The following TRAM1 variants were observed in gnomAD, a reference collection of about 807,000 sequenced individuals.
TRAM1 encodes translocation associated membrane protein 1, also known as translocating chain-associated membrane protein 1.
Under a neutral mutation model 48.7 loss-of-function variants are expected in TRAM1, and 17 were observed. The observed-to-expected ratio is 0.35, with a 90% CI of 0.24 to 0.52. The LOEUF (loss-of-function observed/expected upper bound fraction) is 0.52. Among genes scored for constraint, TRAM1 ranks in the 20% least tolerant of loss-of-function variants. TRAM1 has a pLI of 0.94. For missense variants in TRAM1, 351 were observed against 441.5 expected (o/e 0.79, Z 1.84); for synonymous variants, 182 against 154.0 (o/e 1.18, Z -1.34).
chr8:70,584,107 G>C (rs1817147938), intron 8 of TRAM1, among the ~76,000 whole-genome samples: 1 of 152,116 alleles, frequency 6.6e-6, no homozygotes, highest in East Asian at 1.9e-4. Flanking sequence ...AAAGAATTTT[G>C]AGTCAAATAT....
In TRAM1 at chr8:70,582,702, T is replaced by C. The variant is rs191041873; in HGVS notation, c.1051+462A>G. 5.3e-5 allele frequency among the ~76,000 whole-genome samples: 8 copies of C among 151,190 alleles called. No individual in the cohort carries two copies. The East Asian group carries it at 7.7e-4, about 15-fold the overall frequency. On this transcript the variant is annotated intron_variant, in intron 10 of 10. Coordinates refer to ENST00000262213, the MANE Select transcript of TRAM1 (RefSeq NM_014294.6). ...GCATTTTCAATTTTTGCAAAAACCATAAGGAAAAAAGAGGTTAAATGAAGG... is the reference window on the plus strand; with the variant it reads ...GCATTTTCAATTTTTGCAAAAACCACAAGGAAAAAAGAGGTTAAATGAAGG...
At chr8:70,602,713 G>A (rs1283972296) in intron 1 of TRAM1, among the ~76,000 whole-genome samples, 1 of 152,218 alleles carries the variant, frequency 6.6e-6, no homozygotes, top group East Asian at 1.9e-4. Context: ...AATGTCTGAG[G>A]TTAGAAACCT....
intron 1 of TRAM1, chr8:70,607,857 T>C: frequency 2.4e-6 from 1 of 421,820 alleles, no homozygotes; most frequent in Admixed American, 4.7e-5. Context: ...CGGGCCGCGA[T>C]GAGGCCCACC....
intron 5 of TRAM1, among the ~76,000 whole-genome samples, chr8:70,595,503 T>C (rs1817467901): frequency 1.3e-5 from 2 of 152,152 alleles, no homozygotes; most frequent in Non-Finnish European, 2.9e-5. Flanking sequence ...ACAATGTATT[T>C]ACTAAATACT....
At chr8:70,587,772 T>A (rs1261728959) in intron 6 of TRAM1, 2 of 152,280 alleles carry the variant, frequency 1.3e-5, no homozygotes, top group Non-Finnish European at 2.9e-5. Flanking sequence ...TGTATTCTCA[T>A]TTATACTATT....
chr8:70,594,310 T>TG (rs1369827205), intron 6 of TRAM1, among the ~76,000 whole-genome samples, 196 bp downstream of exon 6: 1 of 150,832 alleles, frequency 6.6e-6, no homozygotes, highest in African/African-American at 2.4e-5. Flanking sequence ...TGAAGGTTTT[T>TG]TTTTTTTTTT....
chr8:70,604,325 G>C (rs1401109106), intron 1 of TRAM1, among the ~76,000 whole-genome samples: 3 of 152,182 alleles, frequency 2.0e-5, no homozygotes, highest in Non-Finnish European at 4.4e-5. Flanking sequence ...ACTTGTTTTA[G>C]AGGAAGATGT....
Position 70,597,972 on chromosome 8 carries a change from T to C in TRAM1, c.349A>G (p.Ser117Gly). 1 of 1,600,012 alleles carries C rather than the reference T, an allele frequency of 6.2e-7. No individual in the cohort carries two copies. The highest frequency in any genetic ancestry group is 8.5e-7 in the Non-Finnish European group (1 of 1,171,834). ...AGCTGACCAGATTCATTAAACTTGC[T>C]GTGTTTTGTTTTGGAGAAGTGCATT... ...RRMHFSKTKHSKFNESGQLSA... is the reference protein window; with the variant it reads ...RRMHFSKTKHGKFNESGQLSA... Residue 117 changes from serine to glycine, a missense_variant, in exon 4 of 11, where the codon AGC (serine) becomes GGC (glycine). By Grantham distance (56) the Ser-to-Gly change is moderately conservative. Transcript: ENST00000262213.
intron 6 of TRAM1, among the ~76,000 whole-genome samples, chr8:70,589,033 A>G (rs1247738650): frequency 6.6e-6 from 1 of 152,198 alleles, no homozygotes; most frequent in Non-Finnish European, 1.5e-5. Flanking sequence ...CAGTACTGAG[A>G]GCTACTTCAC....
intron 10 of TRAM1, among the ~76,000 whole-genome samples, chr8:70,578,011 C>T (rs1816996584): frequency 6.6e-6 from 1 of 152,232 alleles, no homozygotes; most frequent in African/African-American, 2.4e-5. Flanking sequence ...TGCTTGCCCA[C>T]ACACCCCCTG....
chr8:70,598,462 T>C (rs1817537391), intron 2 of TRAM1, among the ~76,000 whole-genome samples: 1 of 152,198 alleles, frequency 6.6e-6, no homozygotes, highest in South Asian at 2.1e-4. Context: ...CTTTAGAAAT[T>C]ACTTACAAAG....
intron 1 of TRAM1, 168 bp downstream of exon 1, chr8:70,607,909 C>A: frequency 1.3e-6 from 1 of 772,804 alleles, no homozygotes. Context: ...GAGCTGCCGC[C>A]GACGTGGGGC....
intron 6 of TRAM1, among the ~76,000 whole-genome samples, chr8:70,593,220 A>G (rs1817405497): frequency 6.6e-6 from 1 of 152,164 alleles, no homozygotes; most frequent in Non-Finnish European, 1.5e-5. Flanking sequence ...AGCAGACAAC[A>G]TGAGTAACGA....
At chr8:70,582,598 C>T (rs573398086) in intron 10 of TRAM1, among the ~76,000 whole-genome samples, 65 of 149,826 alleles carry the variant, frequency 4.3e-4, no homozygotes, top group African/African-American at 1.6e-3. Flanking sequence ...CCAGAGTGGA[C>T]ATACTCTAAA....
At chr8:70,582,281 G>T (rs1191206294) in intron 10 of TRAM1, among the ~76,000 whole-genome samples, 1 of 150,776 alleles carries the variant, frequency 6.6e-6, no homozygotes, top group Non-Finnish European at 1.5e-5. Flanking sequence ...AATTGACCAG[G>T]TTGTATAATT....
In TRAM1 at chr8:70,608,208, C is replaced by T; in HGVS notation, c.-9G>A. ...TTCTTGCGAATCGCCATGGTGGGGCCGCCGCCCGCGCCTGCAGGTGCTCCG... is the reference window on the plus strand; with the variant it reads ...TTCTTGCGAATCGCCATGGTGGGGCTGCCGCCCGCGCCTGCAGGTGCTCCG... On this transcript the variant is annotated 5_prime_UTR_variant, in exon 1 of 11. Transcript: ENST00000262213. The T allele has an allele frequency of 2.5e-6, 4 of 1,583,800 alleles. No individual in the cohort carries two copies. The highest frequency in any genetic ancestry group is 2.3e-5 in the South Asian group (2 of 88,552).
At chr8:70,607,551 C>T in intron 1 of TRAM1, 1 of 940,156 alleles carries the variant, frequency 1.1e-6, no homozygotes, top group Non-Finnish European at 1.3e-6. Context: ...ACCGGGGGCT[C>T]CCCTGTCACT....
At chr8:70,599,989 C>T (rs2132043379) in intron 2 of TRAM1, 30 bp downstream of exon 2, 7 of 1,586,296 alleles carry the variant, frequency 4.4e-6, no homozygotes, top group African/African-American at 1.3e-5. Context: ...CTTCTATTTA[C>T]GTAGAAAATT....
intron 10 of TRAM1, 32 bp downstream of exon 10, chr8:70,583,132 C>T (rs1405956936): frequency 6.3e-7 from 1 of 1,581,630 alleles, no homozygotes; most frequent in Admixed American, 1.9e-5. Flanking sequence ...TTTCTACTTC[C>T]ATGAGTTTTT....
Sources: gnomAD v4.1 joint callset for allele counts (sites outside exome capture counted in the v4.1 genomes callset) on GRCh38, gnomAD v4.1.1 for gene constraint, MANE v1.5 for transcripts, NCBI Gene and HGNC (gene_info 2026-07-23, HGNC 2026-07-21) for gene names.